CARD16: variants seen among roughly 807,000 people sequenced by gnomAD.
CARD16 encodes the protein caspase recruitment domain family member 16.
Under a neutral mutation model 11.9 loss-of-function variants are expected in CARD16, and 8 were observed. The observed-to-expected ratio is 0.67, with a 90% CI of 0.39 to 1.21. The LOEUF (loss-of-function observed/expected upper bound fraction) is 1.21, where lower values mean the gene tolerates loss of function less well. CARD16 is among the 50% of genes most tolerant of loss of function. CARD16 has a pLI of 0.01. For synonymous variants in CARD16, 44 were observed against 43.8 expected, an observed-to-expected ratio of 1.00 and a Z score of -0.02; for missense variants, 131 against 118.1, an observed-to-expected ratio of 1.11 and a Z score of -0.51.
intron 3 of CARD16, among the ~76,000 whole-genome samples, chr11:105,042,047 G>T (rs189288573): frequency 6.6e-6 from 1 of 152,190 alleles, no homozygotes; most frequent in Non-Finnish European, 1.5e-5. Context: ...GTTAAAATAT[G>T]ATTTGTTTTC....
chr11:105,044,723 C>T lies in CARD16; in HGVS notation c.8-65G>A, dbSNP rs1344793016. ...CCTCATATTCCTCTCACGTCATCAACAGAAAGTGACCTCATTTAGATTTCA... is the reference window on the plus strand; with the variant it reads ...CCTCATATTCCTCTCACGTCATCAATAGAAAGTGACCTCATTTAGATTTCA... On this transcript the variant is annotated intron_variant, in intron 1 of 3. Coordinates refer to ENST00000673097, the MANE Select transcript of CARD16 (RefSeq NM_052889.4). The T allele has an allele frequency of 1.9e-6, 3 of 1,577,148 alleles. No homozygotes were observed. The East Asian group carries it at 6.7e-5, about 35-fold the overall frequency.
chr11:105,044,236 G>T, intron 2 of CARD16, 156 bp downstream of exon 2: 2 of 1,216,202 alleles, frequency 1.6e-6, no homozygotes, highest in Non-Finnish European at 2.3e-6. Context: ...ACAAAAAAGA[G>T]TCAAGGGACA....
intron 3 of CARD16, among the ~76,000 whole-genome samples, chr11:105,042,677 A>G (rs570684140): frequency 1.3e-4 from 20 of 152,344 alleles, no homozygotes; most frequent in Non-Finnish European, 2.8e-4. Context: ...ATAATAATTT[A>G]GTAGAAGAAA....
chr11:105,043,028 A>G (rs924594082), intron 3 of CARD16, among the ~76,000 whole-genome samples: 4 of 152,150 alleles, frequency 2.6e-5, no homozygotes, highest in African/African-American at 7.2e-5. Flanking sequence ...AAACTTGGCC[A>G]TGGCTTGAAT....
At chr11:105,042,569 T>C (rs1864128936) in intron 3 of CARD16, among the ~76,000 whole-genome samples, 1 of 152,160 alleles carries the variant, frequency 6.6e-6, no homozygotes, top group Admixed American at 6.6e-5. Flanking sequence ...CAAACAAATT[T>C]GAAAAACTGC....
chr11:105,044,362 T>G, intron 2 of CARD16, 30 bp downstream of exon 2: 2 of 1,613,254 alleles, frequency 1.2e-6, no homozygotes, highest in Non-Finnish European at 1.7e-6. Flanking sequence ...AGGCCCTAGG[T>G]GAACTTGAGT....
chr11:105,042,249 A>G (rs1864124362), intron 3 of CARD16, among the ~76,000 whole-genome samples: 1 of 152,110 alleles, frequency 6.6e-6, no homozygotes, highest in Non-Finnish European at 1.5e-5. Context: ...ATATGGGAGG[A>G]CAAGAATATT....
intron 1 of CARD16, 43 bp downstream of exon 1, chr11:105,045,248 C>G: frequency 6.2e-7 from 1 of 1,613,812 alleles, no homozygotes; most frequent in Non-Finnish European, 8.5e-7. Flanking sequence ...TTCCACAACT[C>G]TTTCTTCCCA....
chr11:105,044,590 G>T lies in CARD16; in HGVS notation c.76C>A (p.Leu26Met), dbSNP rs1864166612. ...SMGEGTINGL[L>M]DELLQTRVLN... ...ACCCTTGTCTGTAATAATTCATCCA[G>T]TAAGCCATTTATTGTACCTTCACCC... The change falls in exon 2 of 4, where the codon CTG (leucine) becomes ATG (methionine). Residue 26 changes from leucine to methionine, a missense_variant. Transcript: ENST00000673097. 1.9e-6 allele frequency: 3 copies of T among 1,614,112 alleles called. No individual in the cohort carries two copies. Among genetic ancestry groups the T allele is most frequent in the Non-Finnish European group, 2.5e-6 (3 of 1,179,982 alleles).
intron 2 of CARD16, among the ~76,000 whole-genome samples, 193 bp from the exon 3 acceptor site, chr11:105,043,738 C>T (rs1864148777): frequency 6.6e-6 from 1 of 152,138 alleles, no homozygotes; most frequent in Admixed American, 6.6e-5. Flanking sequence ...TGGGCAAGCT[C>T]ATTTCCTGAG....
At chr11:105,043,887 A>G (rs1380626195) in intron 2 of CARD16, 2 of 287,940 alleles carry the variant, frequency 6.9e-6, no homozygotes, top group African/African-American at 2.2e-5. Context: ...CCCTGTTGAA[A>G]TCTTTACTAT....
At chr11:105,044,341 G>C in intron 2 of CARD16, 51 bp downstream of exon 2, 1 of 1,610,656 alleles carries the variant, frequency 6.2e-7, no homozygotes, top group Non-Finnish European at 8.5e-7. Context: ...TCAAATGTTA[G>C]GCACGAAGAC....
intron 2 of CARD16, chr11:105,043,807 T>C (rs1864149957): frequency 5.0e-6 from 2 of 397,864 alleles, no homozygotes; most frequent in Admixed American, 4.2e-5. Flanking sequence ...CCCAGTATGA[T>C]CTGCAGCTTG....
chr11:105,041,705 G>A lies in CARD16; in HGVS notation c.*58C>T, dbSNP rs202099222. 212 of 1,613,626 alleles carry A rather than the reference G, an allele frequency of 1.3e-4. No individual in the cohort carries two copies. Among genetic ancestry groups the A allele is most frequent in the Non-Finnish European group, 1.8e-4 (209 of 1,179,820 alleles). The stretch of plus-strand genomic sequence containing the variant: ...CATGTGGGCATAGCTGGGTTGTCCT[G>A]CACTGCCTGAAGAGCTGCAAGAGAC... On this transcript the variant is annotated 3_prime_UTR_variant, in exon 4 of 4. Coordinates refer to ENST00000673097, the MANE Select transcript of CARD16 (RefSeq NM_052889.4).
At chr11:105,043,131 A>C (rs1477539040) in intron 3 of CARD16, among the ~76,000 whole-genome samples, 1 of 152,144 alleles carries the variant, frequency 6.6e-6, no homozygotes, top group Non-Finnish European at 1.5e-5. Context: ...CAAGTTACAC[A>C]AAACTGTAAG....
In CARD16 at chr11:105,044,778, G is replaced by C. The variant is rs979092897; in HGVS notation, c.8-120C>G. The C allele has an allele frequency of 7.9e-6, 12 of 1,514,204 alleles. No individual in the cohort carries two copies. The Admixed American group carries it at 2.2e-4, about 28-fold the overall frequency. The allele number at this position is 1,514,204 out of a possible 1,614,324, so 93.8% of individuals were successfully genotyped here. A position where few individuals can be genotyped will look rare whatever the true frequency, so the allele number is the denominator to read the frequency against. On this transcript the variant is annotated intron_variant, in intron 1 of 3. Coordinates refer to ENST00000673097, the MANE Select transcript of CARD16 (RefSeq NM_052889.4). ...TGAAATGTCCCCCTCCTCACAGTTG[G>C]GTAATCCCTCTTCTTACTGTATTGC...
intron 3 of CARD16, among the ~76,000 whole-genome samples, chr11:105,043,132 A>G (rs1864138818): frequency 2.0e-5 from 3 of 152,138 alleles, no homozygotes; most frequent in Non-Finnish European, 4.4e-5. Flanking sequence ...AAGTTACACA[A>G]AACTGTAAGA....
chr11:105,043,596 C>A (rs775847222), intron 2 of CARD16, 51 bp from the exon 3 acceptor site: 23 of 1,343,264 alleles, frequency 1.7e-5, no homozygotes, highest in Non-Finnish European at 6.4e-6. Context: ...CTCTGGAAAA[C>A]TTTACAGCAA....
At chr11:105,043,574 G>T (rs1404260258) in intron 2 of CARD16, 29 bp from the exon 3 acceptor site, 3 of 1,525,238 alleles carry the variant, frequency 2.0e-6, no homozygotes, top group Non-Finnish European at 2.7e-6. Context: ...CATTGAAATA[G>T]CCACTTATCA....
Sources: allele counts gnomAD v4.1 joint callset (sites outside exome capture counted in the v4.1 genomes callset), GRCh38; gene constraint gnomAD v4.1.1; transcripts MANE v1.5; gene names NCBI Gene and HGNC (gene_info 2026-07-23, HGNC 2026-07-21).